The following RAB28 variants were observed in gnomAD, a reference collection of about 807,000 sequenced individuals.
The protein encoded by RAB28 is RAB28, member RAS oncogene family.
In RAB28, 24 loss-of-function variants were observed where a neutral mutation model predicts 31.7. That is an observed-to-expected ratio of 0.76 (90% confidence interval 0.55 to 1.06). The LOEUF (loss-of-function observed/expected upper bound fraction) is 1.06. RAB28 is among the 50% of genes least tolerant of loss of function. The pLI is 0.00. For missense variants in RAB28, 254 were observed against 258.5 expected, an observed-to-expected ratio of 0.98 and a Z score of 0.12; for synonymous variants, 100 against 90.4, an observed-to-expected ratio of 1.11 and a Z score of -0.60.
At chr4:13,404,517 T>A (rs561271858) in intron 4 of RAB28, among the ~76,000 whole-genome samples, 1 of 152,150 alleles carries the variant, frequency 6.6e-6, no homozygotes, top group African/African-American at 2.4e-5. Context: ...ATTTAATCAA[T>A]TTTCACAAAT....
At chr4:13,439,672 G>A (rs868671956) in intron 4 of RAB28, among the ~76,000 whole-genome samples, 1 of 152,142 alleles carries the variant, frequency 6.6e-6, no homozygotes, top group Non-Finnish European at 1.5e-5. Context: ...CTATGTTTTC[G>A]TCTAAGATTT....
chr4:13,426,977 C>T (rs1023714385), intron 4 of RAB28, among the ~76,000 whole-genome samples: 1 of 152,232 alleles, frequency 6.6e-6, no homozygotes, highest in African/African-American at 2.4e-5. Flanking sequence ...GGTTATTAAT[C>T]ATCATTAACA....
chr4:13,380,776 C>G (rs867633193), intron 5 of RAB28, among the ~76,000 whole-genome samples: 3 of 151,780 alleles, frequency 2.0e-5, no homozygotes, highest in Admixed American at 2.0e-4. Flanking sequence ...CAAAAGCTTA[C>G]GGACAAAATT....
chr4:13,382,412 T>C (rs1476073050), intron 4 of RAB28, among the ~76,000 whole-genome samples: 2 of 152,026 alleles, frequency 1.3e-5, no homozygotes, highest in African/African-American at 2.4e-5. Flanking sequence ...ACTAGGCTCT[T>C]TGAGTCAATA....
At chr4:13,453,842 C>A (rs1715144689) in intron 4 of RAB28, among the ~76,000 whole-genome samples, 1 of 152,152 alleles carries the variant, frequency 6.6e-6, no homozygotes. Context: ...GTTCTTTGAG[C>A]TTCCTCGATG....
chr4:13,448,252 T>C (rs999343927), intron 4 of RAB28, among the ~76,000 whole-genome samples: 2 of 152,146 alleles, frequency 1.3e-5, no homozygotes, highest in African/African-American at 4.8e-5. Flanking sequence ...TCTATAGCTC[T>C]GTGTTCTTTA....
At chr4:13,391,701 T>C (rs536823589) in intron 4 of RAB28, among the ~76,000 whole-genome samples, 15 of 152,284 alleles carry the variant, frequency 9.9e-5, no homozygotes, top group Admixed American at 3.3e-4. Context: ...GTGGCACATA[T>C]ACAACATGGA....
chr4:13,426,066 A>ACC (rs1713465395), intron 4 of RAB28, among the ~76,000 whole-genome samples: 3 of 152,198 alleles, frequency 2.0e-5, no homozygotes, highest in South Asian at 4.1e-4. Flanking sequence ...TTATGGCTGT[A>ACC]TTACCATCAA....
intron 6 of RAB28, chr4:13,369,853 T>C: frequency 6.3e-7 from 1 of 1,595,688 alleles, no homozygotes; most frequent in Middle Eastern, 1.7e-4. Context: ...CAAACTGTAA[T>C]AATTTATCAC....
chr4:13,467,659 G>A (rs371281616), intron 3 of RAB28, among the ~76,000 whole-genome samples: 15 of 152,006 alleles, frequency 9.9e-5, no homozygotes, highest in African/African-American at 3.6e-4. Context: ...AAGTATGACT[G>A]ATATGCTAAA....
At chr4:13,372,395 A>ATTGCC (rs2108874194) in intron 6 of RAB28, among the ~76,000 whole-genome samples, 2 of 152,216 alleles carry the variant, frequency 1.3e-5, no homozygotes, top group African/African-American at 4.8e-5. Flanking sequence ...GCTGCCAGTA[A>ATTGCC]CAAAACATTG....
chr4:13,459,667 T>C, intron 4 of RAB28: 1 of 744,932 alleles, frequency 1.3e-6, no homozygotes, highest in Non-Finnish European at 1.6e-6. Flanking sequence ...CTCTTCTCCC[T>C]AGTACACTCT....
chr4:13,435,994 A>G (rs1246112048), intron 4 of RAB28, among the ~76,000 whole-genome samples: 3 of 152,202 alleles, frequency 2.0e-5, no homozygotes, highest in Non-Finnish European at 1.5e-5. Flanking sequence ...ATCAAGCAGC[A>G]TATCAAAAAG....
intron 5 of RAB28, among the ~76,000 whole-genome samples, chr4:13,377,424 C>G (rs1695873689): frequency 6.6e-6 from 1 of 152,166 alleles, no homozygotes; most frequent in East Asian, 1.9e-4. Flanking sequence ...ATACATATTC[C>G]TGATAGCCTT....
intron 4 of RAB28, among the ~76,000 whole-genome samples, chr4:13,387,566 T>C (rs1027796764): frequency 6.6e-6 from 1 of 151,966 alleles, no homozygotes; most frequent in African/African-American, 2.4e-5. Flanking sequence ...AATGCTGAAG[T>C]ATGAGAAGTA....
Position 13,452,143 on chromosome 4 carries a change from C to T in RAB28, c.391+8556G>A, listed in dbSNP as rs141638770. Among the ~76,000 whole-genome samples, 371 of 151,814 alleles carry T rather than the reference C, an allele frequency of 2.4e-3. 2 individuals carry two copies. Among genetic ancestry groups the T allele is most frequent in the African/African-American group, 8.5e-3 (353 of 41,470 alleles). ...GTATCTATTGTGACATCTTCTTTTT[C>T]ATTTCTGATTTTATTTATTTGAGTC... On this transcript the variant is annotated intron_variant, in intron 4 of 6. Coordinates refer to ENST00000330852, the MANE Select transcript of RAB28 (RefSeq NM_001017979.3).
chr4:13,428,944 CTTTTT>C (rs35547595), intron 4 of RAB28, among the ~76,000 whole-genome samples: 1 of 133,536 alleles, frequency 7.5e-6, no homozygotes. Flanking sequence ...TCTAATTTCA[CTTTTT>C]TTTTTTTTTT....
Position 13,399,449 on chromosome 4 carries a change from A to C in RAB28, c.392-17855T>G, listed in dbSNP as rs78138155. On this transcript the variant is annotated intron_variant, in intron 4 of 6. Coordinates refer to ENST00000330852, the MANE Select transcript of RAB28 (RefSeq NM_001017979.3). ...CACCTGATAATATGCCTAGCTGTCT[A>C]AGATACATAGCAGAGAACTGCTGAA... Among the ~76,000 whole-genome samples the C allele has an allele frequency of 4.8e-3, 732 of 152,348 alleles. 5 individuals are homozygous for C. The highest frequency in any genetic ancestry group is 0.016 in the African/African-American group (686 of 41,578).
At chr4:13,423,789 A>T (rs900249159) in intron 4 of RAB28, among the ~76,000 whole-genome samples, 1 of 152,174 alleles carries the variant, frequency 6.6e-6, no homozygotes, top group African/African-American at 2.4e-5. Flanking sequence ...ACATTTCTGT[A>T]TGTTTGATAT....
Sources: allele counts gnomAD v4.1 joint callset (sites outside exome capture counted in the v4.1 genomes callset), GRCh38; gene constraint gnomAD v4.1.1; transcripts MANE v1.5; gene names NCBI Gene and HGNC (gene_info 2026-07-23, HGNC 2026-07-21).